The following SLIT3 variants were observed in gnomAD, a reference collection of about 807,000 sequenced individuals.
SLIT3 encodes slit homolog 3 protein.
A neutral mutation model predicts 184.0 loss-of-function variants in SLIT3; 68 were observed. The observed-to-expected ratio is 0.37, with a 90% CI of 0.30 to 0.45. The LOEUF is 0.45. Ranked by LOEUF, SLIT3 falls within the 20% of genes least tolerant of loss-of-function variation. The probability of loss-of-function intolerance (pLI) is 1.00; values close to 1 mark genes in which losing one functional copy is unlikely to be tolerated. For synonymous variants in SLIT3, 831 were observed against 828.6 expected (o/e 1.00, Z -0.05); for missense variants, 1,707 against 2,026.0 (o/e 0.84, Z 3.02).
intron 4 of SLIT3, among the ~76,000 whole-genome samples, chr5:168,976,388 A>G (rs1754762852): frequency 6.6e-6 from 1 of 152,236 alleles, no homozygotes; most frequent in African/African-American, 2.4e-5. Flanking sequence ...TAATGGGGCC[A>G]CAGATGCTAT....
intron 6 of SLIT3, among the ~76,000 whole-genome samples, chr5:168,825,722 A>G (rs1328696443): frequency 6.6e-6 from 1 of 152,216 alleles, no homozygotes; most frequent in Non-Finnish European, 1.5e-5. Flanking sequence ...CCATCCAGAA[A>G]GCTTCCAGAA....
At chr5:168,796,862 T>C (rs1756580537) in intron 9 of SLIT3, among the ~76,000 whole-genome samples, 1 of 152,076 alleles carries the variant, frequency 6.6e-6, no homozygotes, top group Non-Finnish European at 1.5e-5. Flanking sequence ...TAATGTGGAA[T>C]GGTTTGTCAG....
At chr5:168,806,129 A>G (rs1043715630) in intron 9 of SLIT3, among the ~76,000 whole-genome samples, 1 of 152,192 alleles carries the variant, frequency 6.6e-6, no homozygotes, top group Non-Finnish European at 1.5e-5. Flanking sequence ...CAGCTGCTCA[A>G]TACTGCCATA....
chr5:169,203,587 A>G (rs1161474193), intron 3 of SLIT3, among the ~76,000 whole-genome samples: 1 of 152,000 alleles, frequency 6.6e-6, no homozygotes, highest in Non-Finnish European at 1.5e-5. Flanking sequence ...CTCTTTTGAG[A>G]TTTTCTACTC....
At chr5:169,066,466 G>C (rs1476501086) in intron 4 of SLIT3, among the ~76,000 whole-genome samples, 1 of 152,166 alleles carries the variant, frequency 6.6e-6, no homozygotes, top group African/African-American at 2.4e-5. Context: ...ACCAAAAAAA[G>C]TGCAAATTAA....
Position 169,193,496 on chromosome 5 carries a change from C to T in SLIT3, c.396G>A (p.Thr132=), listed in dbSNP as rs771277109. ...CTACTCACAGTCTGGTGAGCTTCGG[C>T]GTGCTCTGGAAAAGCAATTCTGGAA... ...QVLPELLFQS[T]PKLTRLDLSE... is the part of the protein sequence containing the mutation. The change falls in exon 4 of 36, where the codon ACG becomes ACA. Residue 132 remains threonine, a synonymous_variant. Coordinates refer to ENST00000519560, the MANE Select transcript of SLIT3 (RefSeq NM_003062.4). The T allele has an allele frequency of 9.9e-6, 16 of 1,613,840 alleles. No individual in the cohort carries two copies. Among genetic ancestry groups the T allele is most frequent in the Middle Eastern group, 3.3e-4 (2 of 6,084 alleles).
chr5:168,664,239 A>G lies in SLIT3; in HGVS notation c.*2215T>C, dbSNP rs1171209509. On this transcript the variant is annotated 3_prime_UTR_variant, in exon 36 of 36. Transcript: ENST00000519560. ...TAATAATGTTTGAAACAGGCTGAGCATAGTGGCTCACACCTGTAATCCCAG... is the reference window on the plus strand; with the variant it reads ...TAATAATGTTTGAAACAGGCTGAGCGTAGTGGCTCACACCTGTAATCCCAG... 6.6e-6 allele frequency: 1 copy of G among 152,262 alleles called. No homozygotes were observed. The highest frequency in any genetic ancestry group is 6.5e-5 in the Admixed American group (1 of 15,286). The allele number at this position is 152,262 out of a possible 1,614,324, so 9.4% of individuals were successfully genotyped here. A position where few individuals can be genotyped will look rare whatever the true frequency, so the allele number is the denominator to read the frequency against.
intron 7 of SLIT3, among the ~76,000 whole-genome samples, chr5:168,820,684 A>G (rs1026707915): frequency 2.0e-5 from 3 of 152,180 alleles, no homozygotes; most frequent in South Asian, 2.1e-4. Flanking sequence ...TTGTTCTGCA[A>G]TCTTTTGCTG....
At chr5:169,272,982 T>G (rs1766680727) in intron 1 of SLIT3, among the ~76,000 whole-genome samples, 2 of 152,150 alleles carry the variant, frequency 1.3e-5, no homozygotes. Context: ...AGCCAGCTCA[T>G]GGGTCTCAAG....
intron 1 of SLIT3, among the ~76,000 whole-genome samples, chr5:169,294,259 GA>G (rs11324544): frequency 0.6 from 78,020 of 129,744 alleles, 22,328 homozygotes; most frequent in South Asian, 0.66. Context: ...AATGAGCATT[GA>G]AAAAAAAAAA....
intron 4 of SLIT3, among the ~76,000 whole-genome samples, chr5:169,163,386 G>T (rs964072556): frequency 1.3e-5 from 2 of 152,258 alleles, no homozygotes; most frequent in African/African-American, 2.4e-5. Flanking sequence ...CACTTTGAAC[G>T]TGCAGACTCC....
rs200126078 is a variant in SLIT3 at position 169,300,574 on chromosome 5, C to G, written c.136G>C (p.Asp46His). 1,112 of 1,513,900 alleles carry G rather than the reference C, an allele frequency of 7.3e-4. 7 individuals are homozygous for G. Among genetic ancestry groups the G allele is most frequent in the South Asian group, 7.0e-3 (568 of 81,550 alleles). 93.8% of individuals were successfully genotyped at this position (1,513,900 alleles called of 1,614,324 possible). ...GCGCGGAGGCCCAGCCCGTGGCAGT[C>G]CACGCTGGCAGCGGAGCAGGTACAC... The part of the protein sequence containing the change: ...TKCTCSAASV[D>H]CHGLGLRAVP... The change falls in exon 1 of 36, where the codon GAC (aspartate) becomes CAC (histidine). Residue 46 changes from aspartate to histidine, a missense_variant. Transcript: ENST00000519560. This position sits in a 1 kb window ranked among gnomAD's most constrained non-coding sequence, Gnocchi z 4.1.
At chr5:169,002,734 T>G (rs990547350) in intron 4 of SLIT3, among the ~76,000 whole-genome samples, 4 of 152,210 alleles carry the variant, frequency 2.6e-5, no homozygotes, top group African/African-American at 9.6e-5. Flanking sequence ...ATCAAAGTAT[T>G]TCCCTAACTT....
intron 4 of SLIT3, among the ~76,000 whole-genome samples, chr5:168,989,893 C>T (rs1453549381): frequency 6.6e-6 from 1 of 152,204 alleles, no homozygotes; most frequent in Non-Finnish European, 1.5e-5. Flanking sequence ...CCCCTGAGGT[C>T]CCTTTTATCT....
In SLIT3 at chr5:168,724,397, C is replaced by T. The variant is rs1211097493; in HGVS notation, c.2339+19G>A. On this transcript the variant is annotated intron_variant, in intron 21 of 35. Coordinates refer to ENST00000519560, the MANE Select transcript of SLIT3 (RefSeq NM_003062.4). ...CAGCAGGGAAAAATAAACATCCCACCCAATACTGGGCTCCTTACATAAGCG... is the reference window on the plus strand; with the variant it reads ...CAGCAGGGAAAAATAAACATCCCACTCAATACTGGGCTCCTTACATAAGCG... 1 of 1,606,542 alleles carries T rather than the reference C, an allele frequency of 6.2e-7. No homozygotes were observed. The highest frequency in any genetic ancestry group is 2.2e-5 in the East Asian group (1 of 44,788).
intron 4 of SLIT3, among the ~76,000 whole-genome samples, chr5:169,164,757 T>C (rs1358260611): frequency 1.3e-5 from 2 of 152,224 alleles, no homozygotes; most frequent in Non-Finnish European, 1.5e-5. Flanking sequence ...TCTGGGCCTG[T>C]CTCAATGGGC....
chr5:168,868,761 A>AAAAG (rs1554150963), intron 5 of SLIT3, among the ~76,000 whole-genome samples: 2 of 141,050 alleles, frequency 1.4e-5, no homozygotes, highest in African/African-American at 5.7e-5. Flanking sequence ...AAAAAAAAAA[A>AAAAG]AAAAAGAAAA....
At chr5:168,897,382 G>C (rs1018373766) in intron 4 of SLIT3, among the ~76,000 whole-genome samples, 1 of 152,038 alleles carries the variant, frequency 6.6e-6, no homozygotes, top group African/African-American at 2.4e-5. Context: ...GTCCATGAAC[G>C]TGTGATCCCT....
chr5:168,973,542 G>A (rs1189551973), intron 4 of SLIT3, among the ~76,000 whole-genome samples: 1 of 152,138 alleles, frequency 6.6e-6, no homozygotes, highest in African/African-American at 2.4e-5. Flanking sequence ...CACCATGCCT[G>A]GCCTTCACTG....
Sources: gnomAD v4.1 joint callset for allele counts (sites outside exome capture counted in the v4.1 genomes callset) on GRCh38, gnomAD v4.1.1 for gene constraint, Gnocchi (gnomAD v3.1) non-coding constraint, MANE v1.5 for transcripts, NCBI Gene and HGNC (gene_info 2026-07-23, HGNC 2026-07-21) for gene names.